The following GRAMD2B variants were observed in gnomAD, a reference collection of about 807,000 sequenced individuals.
GRAMD2B encodes GRAM domain containing 2B.
In GRAMD2B, 41 loss-of-function variants were observed where a neutral mutation model predicts 59.2. That is an observed-to-expected ratio of 0.69 (90% confidence interval 0.54 to 0.90). The LOEUF (loss-of-function observed/expected upper bound fraction) is 0.90, where lower values mean the gene tolerates loss of function less well. Ranked by LOEUF, GRAMD2B falls within the 40% of genes least tolerant of loss-of-function variation. The pLI is 0.00. For synonymous variants in GRAMD2B, 161 were observed against 182.7 expected (o/e 0.88, Z 0.96); for missense variants, 424 against 500.5 (o/e 0.85, Z 1.46).
intron 1 of GRAMD2B, among the ~76,000 whole-genome samples, chr5:126,455,465 A>T (rs1417361200): frequency 6.6e-6 from 1 of 151,824 alleles, no homozygotes; most frequent in African/African-American, 2.4e-5. Context: ...TGTGAGAGTG[A>T]CTTTTCCTTG....
At chr5:126,433,836 C>A (rs554314591) in intron 1 of GRAMD2B, 2 of 152,260 alleles carry the variant, frequency 1.3e-5, no homozygotes, top group South Asian at 4.1e-4. Context: ...AAGTAGTCAC[C>A]AAAGGAACCC....
intron 5 of GRAMD2B, among the ~76,000 whole-genome samples, chr5:126,475,469 A>G (rs1770397624): frequency 6.6e-6 from 1 of 152,094 alleles, no homozygotes; most frequent in African/African-American, 2.4e-5. Flanking sequence ...TTTTTTTCCA[A>G]ATTTATCCCA....
intron 3 of GRAMD2B, among the ~76,000 whole-genome samples, chr5:126,471,027 T>A (rs1350483585): frequency 6.6e-6 from 1 of 152,188 alleles, no homozygotes; most frequent in African/African-American, 2.4e-5. Context: ...ACACCTAGCT[T>A]TAATCAAGGT....
intron 5 of GRAMD2B, among the ~76,000 whole-genome samples, chr5:126,475,525 G>A (rs1368674470): frequency 1.3e-5 from 2 of 152,156 alleles, no homozygotes. Context: ...AATGTTGTGA[G>A]TAGAGTTCTT....
At chr5:126,432,184 C>T (rs1478355421) in intron 1 of GRAMD2B, among the ~76,000 whole-genome samples, 1 of 152,186 alleles carries the variant, frequency 6.6e-6, no homozygotes, top group Admixed American at 6.5e-5. Flanking sequence ...CCACCTCAGC[C>T]TCCCAAAGTG....
intron 1 of GRAMD2B, among the ~76,000 whole-genome samples, chr5:126,390,908 G>A (rs977522660): frequency 2.0e-5 from 3 of 152,060 alleles, no homozygotes; most frequent in Non-Finnish European, 2.9e-5. Context: ...CCTAATTCCC[G>A]TAATAAAAGA....
chr5:126,466,376 C>G (rs542115545), intron 2 of GRAMD2B: 52 of 841,964 alleles, frequency 6.2e-5, no homozygotes, highest in African/African-American at 5.9e-4. Context: ...TCTTCTGACT[C>G]TAATTCCCAA....
chr5:126,426,843 T>C (rs1261256912), intron 1 of GRAMD2B, among the ~76,000 whole-genome samples: 2 of 152,228 alleles, frequency 1.3e-5, no homozygotes, highest in African/African-American at 4.8e-5. Context: ...TGTGGCTAAT[T>C]TGTTCATCTT....
At chr5:126,487,347 A>G (rs892531218) in intron 12 of GRAMD2B, among the ~76,000 whole-genome samples, 4 of 152,212 alleles carry the variant, frequency 2.6e-5, no homozygotes, top group Non-Finnish European at 5.9e-5. Flanking sequence ...CAAGAAACTC[A>G]GCACATTTTA....
At chr5:126,371,393 G>C in exon 1 of GRAMD2B, 1 of 1,249,698 alleles carries the variant, frequency 8.0e-7, no homozygotes, top group African/African-American at 1.5e-5. Flanking sequence ...GGGAGACTCA[G>C]AAATGAGCTT....
chr5:126,377,412 G>T (rs1244836251), intron 1 of GRAMD2B, among the ~76,000 whole-genome samples: 2 of 152,064 alleles, frequency 1.3e-5, no homozygotes, highest in African/African-American at 4.8e-5. Context: ...ACTGTCCAAG[G>T]CCCTGGGAGG....
At chr5:126,400,409 C>A (rs933192686) in intron 1 of GRAMD2B, among the ~76,000 whole-genome samples, 1 of 152,026 alleles carries the variant, frequency 6.6e-6, no homozygotes, top group African/African-American at 2.4e-5. Flanking sequence ...TATCATGTAT[C>A]TATTAACAAA....
intron 8 of GRAMD2B, among the ~76,000 whole-genome samples, chr5:126,481,837 G>A (rs556624244): frequency 6.6e-6 from 1 of 151,776 alleles, no homozygotes; most frequent in Non-Finnish European, 1.5e-5. Context: ...GCCTGGTGAC[G>A]CATGCCTGTA....
chr5:126,436,509 G>A (rs11749491), intron 1 of GRAMD2B, among the ~76,000 whole-genome samples: 55 of 152,176 alleles, frequency 3.6e-4, no homozygotes, highest in Non-Finnish European at 5.9e-4. Flanking sequence ...GAAATTAGAC[G>A]GGTGCAGTGG....
At chr5:126,398,761 G>T (rs1052293937) in intron 1 of GRAMD2B, among the ~76,000 whole-genome samples, 14 of 151,970 alleles carry the variant, frequency 9.2e-5, no homozygotes, top group Non-Finnish European at 1.9e-4. Context: ...TTTTAGAACT[G>T]CTTTTTCTGT....
At chr5:126,360,731 T>C (rs1754180630) in intron 1 of GRAMD2B, among the ~76,000 whole-genome samples, 1 of 152,188 alleles carries the variant, frequency 6.6e-6, no homozygotes, top group African/African-American at 2.4e-5. Context: ...AGGTTTGTCA[T>C]GTCACTCAAG....
rs143506949 is a variant in GRAMD2B at position 126,485,749 on chromosome 5, A to G, written c.1034A>G (p.His345Arg). 1.9e-5 allele frequency: 30 copies of G among 1,606,332 alleles called. No individual in the cohort carries two copies. The African/African-American group carries it at 3.3e-4, about 18-fold the overall frequency. Residue 345 changes from histidine (H) to arginine (R), a missense_variant, in exon 11 of 14, where the codon CAT becomes CGT. Coordinates refer to ENST00000285689, the MANE Select transcript of GRAMD2B (RefSeq NM_023927.4). ...VKSQKCPMLH[H>R]ILIFYAIVVC... ...TCTCAGAAATGTCCGATGCTTCACCATATTCTTATATTCTATGCAATTGTG... is the reference window on the plus strand; with the variant it reads ...TCTCAGAAATGTCCGATGCTTCACCGTATTCTTATATTCTATGCAATTGTG...
chr5:126,410,527 G>C (rs1302299123), intron 1 of GRAMD2B, among the ~76,000 whole-genome samples: 1 of 151,968 alleles, frequency 6.6e-6, no homozygotes, highest in Non-Finnish European at 1.5e-5. Flanking sequence ...TGTGATTTTT[G>C]TACATTGATT....
intron 8 of GRAMD2B, 53 bp from the exon 9 acceptor site, chr5:126,483,410 G>A: frequency 1.8e-6 from 2 of 1,105,722 alleles, no homozygotes; most frequent in East Asian, 4.7e-5. Context: ...ACAAAGGCCT[G>A]CCTGTTTACT....
Sources: gnomAD v4.1 joint callset for allele counts (sites outside exome capture counted in the v4.1 genomes callset) on GRCh38, gnomAD v4.1.1 for gene constraint, MANE v1.5 for transcripts, NCBI Gene and HGNC (gene_info 2026-07-23, HGNC 2026-07-21) for gene names.